BRINP3: variants seen among roughly 807,000 people sequenced by gnomAD.
BRINP3 encodes the protein BMP/retinoic acid-inducible neural-specific protein 3.
BRINP3 carries 19 observed loss-of-function variants against 71.0 expected under a neutral mutation model. The ratio of observed to expected loss-of-function variants is 0.27; its 90% CI spans 0.19 to 0.39. The LOEUF is 0.39. Ranked by LOEUF, BRINP3 falls within the 10% of genes least tolerant of loss-of-function variation. The probability of loss-of-function intolerance (pLI) is 1.00; values close to 1 mark genes in which losing one functional copy is unlikely to be tolerated. For missense variants in BRINP3, 959 were observed against 940.8 expected (o/e 1.02, Z -0.25); for synonymous variants, 380 against 337.7 (o/e 1.13, Z -1.37).
At chr1:190,234,498 T>G (rs1658327549) in intron 4 of BRINP3, 21 bp from the exon 5 acceptor site, 1 of 1,558,034 alleles carries the variant, frequency 6.4e-7, no homozygotes, top group Admixed American at 1.7e-5. Context: ...AAACATCAAC[T>G]TTATTATCTA....
At chr1:190,327,573 T>C (rs187156071) in intron 2 of BRINP3, among the ~76,000 whole-genome samples, 487 of 148,802 alleles carry the variant, frequency 3.3e-3, no homozygotes, top group Non-Finnish European at 5.1e-3. Flanking sequence ...AAGGAAAAAA[T>C]ATAAAGAATT....
At chr1:190,458,291 G>A (rs2102646746) in intron 1 of BRINP3, among the ~76,000 whole-genome samples, 1 of 152,094 alleles carries the variant, frequency 6.6e-6, no homozygotes, top group Non-Finnish European at 1.5e-5. Context: ...GTATTTGTAA[G>A]AACTTTATAA....
At chr1:190,463,443 A>G (rs1379419309) in intron 1 of BRINP3, among the ~76,000 whole-genome samples, 2 of 151,744 alleles carry the variant, frequency 1.3e-5, no homozygotes, top group Non-Finnish European at 1.5e-5. Context: ...CTAAAAAAAA[A>G]GGAAAAATTA....
At chr1:190,259,566 G>A (rs1660982768) in intron 4 of BRINP3, among the ~76,000 whole-genome samples, 1 of 148,248 alleles carries the variant, frequency 6.7e-6, no homozygotes, top group South Asian at 2.2e-4. Context: ...CTTCCTAAGA[G>A]CAGGACAAAG....
At chr1:190,378,874 G>A (rs1670343050) in intron 2 of BRINP3, among the ~76,000 whole-genome samples, 1 of 152,128 alleles carries the variant, frequency 6.6e-6, no homozygotes, top group East Asian at 1.9e-4. Context: ...ATCTATCTGA[G>A]CTGTTCACAT....
chr1:190,455,053 T>A, intron 1 of BRINP3, 113 bp from the exon 2 acceptor site: 1 of 550,350 alleles, frequency 1.8e-6, no homozygotes, highest in Non-Finnish European at 3.2e-6. Context: ...TTTAAATTAG[T>A]ATTATCAGCA....
chr1:190,439,839 A>C (rs1429002169), intron 2 of BRINP3, among the ~76,000 whole-genome samples: 1 of 151,968 alleles, frequency 6.6e-6, no homozygotes, highest in East Asian at 1.9e-4. Context: ...AATGGCAAAA[A>C]CAGGACTCAA....
intron 6 of BRINP3, among the ~76,000 whole-genome samples, chr1:190,201,743 G>T (rs1655024446): frequency 6.6e-6 from 1 of 152,010 alleles, no homozygotes; most frequent in Non-Finnish European, 1.5e-5. Flanking sequence ...GCTTCAAAAG[G>T]TGCAAGCCTT....
intron 2 of BRINP3, among the ~76,000 whole-genome samples, chr1:190,390,483 T>C (rs1201759573): frequency 6.6e-6 from 1 of 151,696 alleles, no homozygotes; most frequent in Admixed American, 6.6e-5. Context: ...TCCCTATGAA[T>C]ACATAAATGT....
chr1:190,420,088 G>A (rs1673274293), intron 2 of BRINP3, among the ~76,000 whole-genome samples: 3 of 151,956 alleles, frequency 2.0e-5, no homozygotes, highest in Admixed American at 2.0e-4. Context: ...TTTGCAGGTG[G>A]TCATGTCTTA....
chr1:190,334,363 C>T (rs921989424), intron 2 of BRINP3, among the ~76,000 whole-genome samples: 36 of 151,846 alleles, frequency 2.4e-4, no homozygotes, highest in African/African-American at 8.2e-4. Flanking sequence ...TGGAATTTTG[C>T]AAGTCTTGGC....
intron 2 of BRINP3, chr1:190,342,334 C>T (rs1176717476): frequency 6.8e-6 from 1 of 146,288 alleles, no homozygotes; most frequent in Non-Finnish European, 1.5e-5. Context: ...ATTTGGGGGG[C>T]CACTATTCTG....
At chr1:190,129,866 C>T (rs1055528987) in intron 7 of BRINP3, among the ~76,000 whole-genome samples, 1 of 151,966 alleles carries the variant, frequency 6.6e-6, no homozygotes, top group Non-Finnish European at 1.5e-5. Context: ...AGCCAATTCT[C>T]ATTTTACAAG....
intron 2 of BRINP3, among the ~76,000 whole-genome samples, chr1:190,395,072 T>C (rs1327702875): frequency 1.3e-5 from 2 of 151,698 alleles, no homozygotes; most frequent in Admixed American, 6.6e-5. Context: ...GAATATATCT[T>C]GTGTATCAAT....
intron 2 of BRINP3, among the ~76,000 whole-genome samples, chr1:190,437,312 TC>T (rs1674530194): frequency 6.6e-6 from 1 of 151,766 alleles, no homozygotes; most frequent in Non-Finnish European, 1.5e-5. Flanking sequence ...ACAAACAGCC[TC>T]CATGCAAACA....
At chr1:190,161,529 T>TA (rs758986206) in intron 6 of BRINP3, among the ~76,000 whole-genome samples, 85 of 152,060 alleles carry the variant, frequency 5.6e-4, no homozygotes, top group Admixed American at 1.0e-3. Context: ...GAGTACATGC[T>TA]AAAAAAATAC....
chr1:190,344,289 T>A (rs1034809139), intron 2 of BRINP3, among the ~76,000 whole-genome samples: 4 of 151,818 alleles, frequency 2.6e-5, no homozygotes, highest in African/African-American at 9.7e-5. Flanking sequence ...TTCAATACTT[T>A]CAATTTCGAG....
At chr1:190,208,758 G>T (rs1290440880) in intron 6 of BRINP3, among the ~76,000 whole-genome samples, 1 of 151,966 alleles carries the variant, frequency 6.6e-6, no homozygotes, top group Non-Finnish European at 1.5e-5. Flanking sequence ...GCCTCTCAAT[G>T]TGCTGGAATT....
chr1:190,216,032 CT>C (rs1656388856), intron 6 of BRINP3, among the ~76,000 whole-genome samples: 1 of 149,358 alleles, frequency 6.7e-6, no homozygotes, highest in Non-Finnish European at 1.5e-5. Context: ...AAAAAAACAA[CT>C]GGGGATAACT....
Sources: allele counts gnomAD v4.1 joint callset (sites outside exome capture counted in the v4.1 genomes callset), GRCh38; gene constraint gnomAD v4.1.1; transcripts MANE v1.5; gene names NCBI Gene and HGNC (gene_info 2026-07-23, HGNC 2026-07-21).